FAT3: variants seen among roughly 807,000 people sequenced by gnomAD.
FAT3 encodes FAT atypical cadherin 3, also known as protocadherin Fat 3.
In FAT3, 95 loss-of-function variants were observed where a neutral mutation model predicts 310.2. The observed-to-expected ratio is 0.31, with a 90% CI of 0.26 to 0.36. FAT3 has a LOEUF of 0.36. FAT3 is among the 10% of genes least tolerant of loss of function. FAT3 has a pLI of 1.00. For missense variants in FAT3, 5,408 were observed against 5,715.6 expected, an observed-to-expected ratio of 0.95 and a Z score of 1.74; for synonymous variants, 2,314 against 2,192.9, an observed-to-expected ratio of 1.06 and a Z score of -1.54.
At chr11:92,752,812 C>T (rs1591685267) in intron 4 of FAT3, among the ~76,000 whole-genome samples, 1 of 152,186 alleles carries the variant, frequency 6.6e-6, no homozygotes, top group East Asian at 1.9e-4. Flanking sequence ...GGGCTTTGCA[C>T]AGTTCTGAGT....
intron 3 of FAT3, among the ~76,000 whole-genome samples, chr11:92,619,179 G>A (rs1940967130): frequency 6.6e-6 from 1 of 152,060 alleles, no homozygotes. Flanking sequence ...TGTATTTGTG[G>A]GAGAAAGCCC....
At chr11:92,809,653 A>G (rs1156673398) in intron 12 of FAT3, among the ~76,000 whole-genome samples, 190 bp from the exon 13 acceptor site, 3 of 152,248 alleles carry the variant, frequency 2.0e-5, no homozygotes, top group Non-Finnish European at 2.9e-5. Flanking sequence ...TTTTGCATCT[A>G]GAATCCCATA....
chr11:92,259,469 A>G (rs1337975926), intron 1 of FAT3, among the ~76,000 whole-genome samples: 1 of 152,144 alleles, frequency 6.6e-6, no homozygotes, highest in African/African-American at 2.4e-5. Flanking sequence ...TACAATGAGT[A>G]GTAAATAGGA....
intron 2 of FAT3, among the ~76,000 whole-genome samples, chr11:92,413,202 G>A (rs566976526): frequency 6.6e-6 from 1 of 152,066 alleles, no homozygotes; most frequent in South Asian, 2.1e-4. Flanking sequence ...AATTTTTAAT[G>A]TCAACAAAGG....
intron 13 of FAT3, among the ~76,000 whole-genome samples, chr11:92,816,011 G>T (rs374590821): frequency 2.0e-5 from 3 of 152,200 alleles, no homozygotes; most frequent in South Asian, 4.1e-4. Context: ...CATGTAAAAT[G>T]CTACATAGGT....
rs145564526 is a variant in FAT3, at chr11:92,758,307, A to G, written c.3670-3549A>G. Among the ~76,000 whole-genome samples the G allele has an allele frequency of 8.6e-3, 1,305 of 152,344 alleles. 30 individuals carry two copies. The highest frequency in any genetic ancestry group is 0.03 in the African/African-American group (1,243 of 41,574). On this transcript the variant is annotated intron_variant, in intron 4 of 27. Coordinates refer to ENST00000525166, the MANE Select transcript of FAT3 (RefSeq NM_001367949.2). ...GGATGATAATTAGTGTCCTAGAACT[A>G]TACACATAGTGGCATAGAAACATAC...
rs1948632407 is a variant in FAT3, at chr11:92,353,536, C to G, written c.1424C>G (p.Pro475Arg). 1.9e-6 allele frequency: 3 copies of G among 1,613,716 alleles called. No individual in the cohort carries two copies. Among genetic ancestry groups the G allele is most frequent in the Non-Finnish European group, 2.5e-6 (3 of 1,179,828 alleles). Residue 475 changes from proline to arginine, a missense_variant, in exon 2 of 28, where the codon CCA becomes CGA. By Grantham distance (103) the Pro-to-Arg change is moderately radical. Around this residue, in one of 5 missense-constraint regions of FAT3, gnomAD observed 4,588 missense variants for 4,809.8 expected, o/e 0.95. Transcript: ENST00000525166. ...ANDHTPEFQQ[P>R]LYDAYVNESV... ...GACCACACCCCAGAATTTCAGCAAC[C>G]ACTGTATGATGCTTATGTGAATGAA...
chr11:92,591,355 G>A (rs1033232016), intron 3 of FAT3, among the ~76,000 whole-genome samples: 1 of 151,972 alleles, frequency 6.6e-6, no homozygotes, highest in Non-Finnish European at 1.5e-5. Context: ...TGGTTTCCTC[G>A]GTACAGTCCT....
chr11:92,705,664 TGATG>T (rs1944298952), intron 4 of FAT3, among the ~76,000 whole-genome samples: 1 of 58,552 alleles, frequency 1.7e-5, no homozygotes, highest in Non-Finnish European at 3.1e-5. Flanking sequence ...GATGGTGGTG[TGATG>T]GTGTAGTGAT....
intron 2 of FAT3, among the ~76,000 whole-genome samples, chr11:92,418,109 TA>T (rs200808778): frequency 1.5e-3 from 223 of 152,312 alleles, no homozygotes; most frequent in African/African-American, 4.9e-3. Flanking sequence ...TGAGTTTTTG[TA>T]TGTAGATTAT....
chr11:92,632,000 G>A (rs770536134), intron 3 of FAT3, among the ~76,000 whole-genome samples: 1 of 152,208 alleles, frequency 6.6e-6, no homozygotes, highest in Non-Finnish European at 1.5e-5. Flanking sequence ...TTTCTTGGAG[G>A]AAATATGTCA....
intron 4 of FAT3, among the ~76,000 whole-genome samples, chr11:92,716,335 A>AGCAGG (rs1944685993): frequency 6.6e-6 from 1 of 152,064 alleles, no homozygotes; most frequent in Non-Finnish European, 1.5e-5. Context: ...CTTCCCTTTA[A>AGCAGG]ATGAAGTGAG....
At chr11:92,708,235 A>G (rs1203320308) in intron 4 of FAT3, among the ~76,000 whole-genome samples, 1 of 152,224 alleles carries the variant, frequency 6.6e-6, no homozygotes, top group East Asian at 1.9e-4. Flanking sequence ...TGGTTGTTTA[A>G]TTTTTGGGAG....
intron 3 of FAT3, among the ~76,000 whole-genome samples, chr11:92,545,359 A>G (rs189805641): frequency 6.6e-6 from 1 of 151,826 alleles, no homozygotes; most frequent in East Asian, 1.9e-4. Flanking sequence ...TTGATCTTTT[A>G]TTTTTTCACA....
Position 92,752,910 on chromosome 11 carries a change from A to T in FAT3, c.3670-8946A>T, listed in dbSNP as rs190279357. ...GAAAACATCTTGAAAGATGTAAACA[A>T]TATAATAAATAAGGACTCATTATAT... On this transcript the variant is annotated intron_variant, in intron 4 of 27. Transcript: ENST00000525166. Among the ~76,000 whole-genome samples the T allele has an allele frequency of 2.0e-3, 298 of 152,362 alleles. 1 individual carries two copies. Among genetic ancestry groups the T allele is most frequent in the African/African-American group, 6.4e-3 (268 of 41,584 alleles).
chr11:92,474,725 A>T (rs1952003722), intron 2 of FAT3, among the ~76,000 whole-genome samples: 1 of 152,170 alleles, frequency 6.6e-6, no homozygotes, highest in Admixed American at 6.5e-5. Context: ...AGTGGGAGTT[A>T]CCAAGTAAAG....
chr11:92,355,298 G>A lies in FAT3; in HGVS notation c.3186G>A (p.Val1062=). 6.2e-7 allele frequency: 1 copy of A among 1,613,840 alleles called. No individual in the cohort carries two copies. The change falls in exon 2 of 28, where the codon GTG becomes GTA. Residue 1062 remains valine, a synonymous_variant. Transcript: ENST00000525166. ...VKENSRIGTS[V]LQVTARDEDS... ...AAAACTCACGCATTGGAACAAGCGT[G>A]CTGCAGGTGACTGCTCGAGATGAAG...
intron 4 of FAT3, among the ~76,000 whole-genome samples, chr11:92,699,107 T>A (rs1325234391): frequency 6.6e-6 from 1 of 152,202 alleles, no homozygotes; most frequent in Non-Finnish European, 1.5e-5. Flanking sequence ...ACATAAATAC[T>A]GAGTAATGTT....
intron 1 of FAT3, among the ~76,000 whole-genome samples, chr11:92,231,896 T>C (rs1017304560): frequency 6.6e-6 from 1 of 152,144 alleles, no homozygotes; most frequent in Non-Finnish European, 1.5e-5. Flanking sequence ...CAGGATCAGC[T>C]TGGTCTTTTT....
Sources: gnomAD v4.1 joint callset for allele counts (sites outside exome capture counted in the v4.1 genomes callset) on GRCh38, gnomAD v4.1.1 for gene constraint, gnomAD v4.1.1 regional missense constraint, MANE v1.5 for transcripts, NCBI Gene and HGNC (gene_info 2026-07-23, HGNC 2026-07-21) for gene names.